Variants in DLGAP2 observed in about 807,000 individuals in gnomAD.
DLGAP2 encodes the protein disks large-associated protein 2.
A neutral mutation model predicts 100.3 loss-of-function variants in DLGAP2; 26 were observed. The observed-to-expected ratio is 0.26, with a 90% confidence interval of 0.19 to 0.36. The LOEUF is 0.36. DLGAP2 is among the 10% of genes least tolerant of loss of function. The probability of loss-of-function intolerance (pLI) is 1.00; values close to 1 mark genes in which losing one functional copy is unlikely to be tolerated. For synonymous variants in DLGAP2, 886 were observed against 630.1 expected (o/e 1.41, Z -6.08); for missense variants, 1,858 against 1,453.2 (o/e 1.28, Z -4.53).
At chr8:1,209,585 C>A (rs1180356721) in intron 2 of DLGAP2, among the ~76,000 whole-genome samples, 2 of 152,096 alleles carry the variant, frequency 1.3e-5, no homozygotes, top group African/African-American at 4.8e-5. Context: ...GCCCAAACTC[C>A]CAATGTGATG....
At chr8:1,631,979 A>G (rs1797657642) in intron 7 of DLGAP2, among the ~76,000 whole-genome samples, 1 of 152,216 alleles carries the variant, frequency 6.6e-6, no homozygotes, top group Non-Finnish European at 1.5e-5. Context: ...ATCTGCCAAC[A>G]TAATCCAGGG....
intron 3 of DLGAP2, among the ~76,000 whole-genome samples, chr8:1,449,449 T>C (rs535706168): frequency 6.6e-6 from 1 of 151,896 alleles, no homozygotes; most frequent in South Asian, 2.1e-4. Context: ...GAGCTCAGCG[T>C]TTTGGGAAGA....
chr8:1,258,373 G>A (rs923397145), intron 2 of DLGAP2, among the ~76,000 whole-genome samples: 2 of 151,906 alleles, frequency 1.3e-5, no homozygotes, highest in Admixed American at 6.6e-5. Context: ...TTCGTAAGTG[G>A]GAGTTGAACA....
chr8:832,851 T>G (rs1245636324), intron 1 of DLGAP2, among the ~76,000 whole-genome samples: 1 of 152,140 alleles, frequency 6.6e-6, no homozygotes, highest in Non-Finnish European at 1.5e-5. Flanking sequence ...TGGGATCAAC[T>G]AGGAGGAGAG....
intron 1 of DLGAP2, among the ~76,000 whole-genome samples, chr8:863,130 T>G (rs1797424508): frequency 6.6e-6 from 1 of 152,304 alleles, no homozygotes; most frequent in African/African-American, 2.4e-5. Flanking sequence ...TTGGTGCGTA[T>G]TATTCCTGTT....
intron 3 of DLGAP2, among the ~76,000 whole-genome samples, chr8:1,424,183 T>G (rs1797177751): frequency 1.3e-5 from 2 of 152,234 alleles, no homozygotes; most frequent in Admixed American, 1.3e-4. Flanking sequence ...TTCACGCAAG[T>G]TGAGAGACCT....
At chr8:1,044,080 G>A (rs993975905) in intron 2 of DLGAP2, among the ~76,000 whole-genome samples, 6 of 152,046 alleles carry the variant, frequency 3.9e-5, no homozygotes, top group Non-Finnish European at 5.9e-5. Flanking sequence ...ATGGCTCACC[G>A]GTCCCACTCC....
At position 1,668,568 on chromosome 8, in the gene DLGAP2, C is replaced by T. The variant is rs780191233; in HGVS notation, c.2050C>T (p.Arg684Cys). ...CGCGCTGGAAACGGCCGCTGCCCAG[C>T]GCCACCTGCCAGAGAGCCAGAGCAG... Reference protein sequence around the residue: ...NLALETAAAQRHLPESQSSSV... With the variant: ...NLALETAAAQCHLPESQSSSV... The change falls in exon 9 of 15, where the codon CGC becomes TGC. Residue 684 changes from arginine to cysteine, a missense_variant. Coordinates refer to ENST00000637795, the MANE Select transcript of DLGAP2 (RefSeq NM_001346810.2). The T allele has an allele frequency of 6.9e-6, 11 of 1,591,624 alleles. No homozygotes were observed. Among genetic ancestry groups the T allele is most frequent in the African/African-American group, 4.0e-5 (3 of 74,326 alleles).
intron 3 of DLGAP2, among the ~76,000 whole-genome samples, chr8:1,298,898 C>T (rs549639650): frequency 1.7e-3 from 263 of 152,004 alleles, no homozygotes; most frequent in Non-Finnish European, 3.1e-3. Flanking sequence ...GAGGCAGGAA[C>T]GGGGGGAGAA....
chr8:1,484,706 C>T (rs1441068927), intron 3 of DLGAP2, among the ~76,000 whole-genome samples: 1 of 152,222 alleles, frequency 6.6e-6, no homozygotes, highest in South Asian at 2.1e-4. Flanking sequence ...AGTCCGTAAA[C>T]TCTTATGGGA....
chr8:1,255,341 T>C (rs897924138), intron 2 of DLGAP2, among the ~76,000 whole-genome samples: 1 of 103,812 alleles, frequency 9.6e-6, no homozygotes, highest in African/African-American at 5.2e-5. Flanking sequence ...TGCCCTCTCA[T>C]CCTGCCTGGG....
chr8:1,603,951 C>G (rs896647181), intron 6 of DLGAP2, among the ~76,000 whole-genome samples: 1 of 152,106 alleles, frequency 6.6e-6, no homozygotes, highest in Non-Finnish European at 1.5e-5. Context: ...TCCTGCAGCT[C>G]CAACCCCCAC....
chr8:1,155,709 T>G (rs1229124080), intron 2 of DLGAP2, among the ~76,000 whole-genome samples: 1 of 151,082 alleles, frequency 6.6e-6, no homozygotes, highest in Non-Finnish European at 1.5e-5. Context: ...TTCCCAGCGC[T>G]TCTCACTTCC....
chr8:1,637,599 A>T (rs911827136), intron 8 of DLGAP2, among the ~76,000 whole-genome samples: 2 of 152,180 alleles, frequency 1.3e-5, no homozygotes, highest in Non-Finnish European at 2.9e-5. Flanking sequence ...AAATGTAAAA[A>T]ATGAACTAGA....
intron 2 of DLGAP2, among the ~76,000 whole-genome samples, chr8:1,190,858 G>A (rs1202505450): frequency 1.3e-5 from 2 of 152,180 alleles, no homozygotes; most frequent in African/African-American, 2.4e-5. Flanking sequence ...GGCGCACGCA[G>A]CAGCAAGCGT....
At chr8:1,274,877 G>T (rs73535686) in intron 3 of DLGAP2, among the ~76,000 whole-genome samples, 1 of 151,734 alleles carries the variant, frequency 6.6e-6, no homozygotes, top group Admixed American at 6.6e-5. Context: ...TAATTCCTTC[G>T]GTAGCAATTA....
chr8:1,656,959 GT>G (rs774366959), intron 8 of DLGAP2, among the ~76,000 whole-genome samples: 1 of 152,016 alleles, frequency 6.6e-6, no homozygotes, highest in Non-Finnish European at 1.5e-5. Context: ...GCCCAGGTAT[GT>G]TTTCATCTAT....
rs1470378814 is a variant in DLGAP2, at chr8:1,108,675, C to G, written c.74-150176C>G. 7.4e-5 allele frequency among the ~76,000 whole-genome samples: 9 copies of G among 121,990 alleles called. No homozygotes were observed. In the South Asian group the frequency reaches 1.4e-3, roughly 19 times the overall value. The allele number at this position is 121,990 out of a possible 152,430, so 80.0% of individuals were successfully genotyped here. On this transcript the variant is annotated intron_variant, in intron 2 of 14. Coordinates refer to ENST00000637795, the MANE Select transcript of DLGAP2 (RefSeq NM_001346810.2). ...GTGTGCTGGGTCTGTGAGGTGTGCACGGGTCTGTGAGGTGTGCATGGGTCT... is the reference window on the plus strand; with the variant it reads ...GTGTGCTGGGTCTGTGAGGTGTGCAGGGGTCTGTGAGGTGTGCATGGGTCT...
intron 3 of DLGAP2, among the ~76,000 whole-genome samples, chr8:1,294,185 C>A (rs528451510): frequency 1.8e-4 from 27 of 152,208 alleles, no homozygotes; most frequent in Non-Finnish European, 2.9e-4. Context: ...TCCCACAGGG[C>A]CCACACATCC....
Sources: gnomAD v4.1 joint callset for allele counts (sites outside exome capture counted in the v4.1 genomes callset) on GRCh38, gnomAD v4.1.1 for gene constraint, MANE v1.5 for transcripts, NCBI Gene and HGNC (gene_info 2026-07-23, HGNC 2026-07-21) for gene names.